NPHP4: variants seen among roughly 807,000 people sequenced by gnomAD.
NPHP4 encodes the protein nephrocystin-4.
In NPHP4, 151 loss-of-function variants were observed where a neutral mutation model predicts 155.8. The ratio of observed to expected loss-of-function variants is 0.97; its 90% CI spans 0.85 to 1.11. The LOEUF (loss-of-function observed/expected upper bound fraction) is 1.11. NPHP4 is among the 50% of genes least tolerant of loss of function. The pLI is 0.00. For synonymous variants in NPHP4, 845 were observed against 816.8 expected (o/e 1.03, Z -0.59); for missense variants, 1,956 against 1,925.7 (o/e 1.02, Z -0.29).
intron 9 of NPHP4, among the ~76,000 whole-genome samples, chr1:5,945,912 A>G (rs1647067726): frequency 6.6e-6 from 1 of 150,676 alleles, no homozygotes; most frequent in Non-Finnish European, 1.5e-5. Flanking sequence ...GTCCCCCCCC[A>G]GGGCGTGAAT....
At position 5,899,041 on chromosome 1, in the gene NPHP4, G is replaced by A. The variant is rs1644538202; in HGVS notation, c.2143+5576C>T. On this transcript the variant is annotated intron_variant, in intron 16 of 29. Transcript: ENST00000378156. ...AAAACCAGCGATCACCACGTGACTG[G>A]CGAGGACATGGCGCTGTCTGGGCTG... Among the ~76,000 whole-genome samples, 3 of 152,314 alleles carry A rather than the reference G, an allele frequency of 2.0e-5. No individual in the cohort carries two copies. In the East Asian group the frequency reaches 5.8e-4, roughly 29 times the overall value.
chr1:5,920,955 A>G (rs1458301521), intron 11 of NPHP4, among the ~76,000 whole-genome samples: 1 of 152,322 alleles, frequency 6.6e-6, no homozygotes, highest in East Asian at 1.9e-4. Flanking sequence ...ATATTCTCCA[A>G]TGTCTTTTTC....
chr1:5,978,563 A>G (rs1654112852), intron 2 of NPHP4, 150 bp from the exon 3 acceptor site: 2 of 729,342 alleles, frequency 2.7e-6, no homozygotes, highest in Non-Finnish European at 4.5e-6. Context: ...TCCCACAGCT[A>G]CTGGTCTTGG....
At chr1:5,977,312 A>C (rs540670294) in intron 3 of NPHP4, among the ~76,000 whole-genome samples, 2 of 151,718 alleles carry the variant, frequency 1.3e-5, no homozygotes, top group African/African-American at 4.8e-5. Context: ...TCGTCCTAAC[A>C]CCCCTGGGTC....
chr1:5,984,962 G>C (rs812051), intron 2 of NPHP4, among the ~76,000 whole-genome samples: 1 of 151,996 alleles, frequency 6.6e-6, no homozygotes, highest in East Asian at 1.9e-4. Context: ...TCTATAAAAC[G>C]GGAGTAAGGT....
intron 7 of NPHP4, among the ~76,000 whole-genome samples, chr1:5,949,765 C>T (rs1230963672): frequency 6.6e-6 from 1 of 152,034 alleles, no homozygotes; most frequent in African/African-American, 2.4e-5. Flanking sequence ...AGCATGAGTC[C>T]GAGGCCACCT....
intron 10 of NPHP4, among the ~76,000 whole-genome samples, chr1:5,930,873 C>T (rs986069500): frequency 1.3e-5 from 2 of 152,166 alleles, no homozygotes; most frequent in African/African-American, 4.8e-5. Context: ...ATGCTGAAGT[C>T]TCCAACTCTA....
intron 3 of NPHP4, among the ~76,000 whole-genome samples, chr1:5,972,112 A>G (rs6694797): frequency 0.84 from 127,730 of 152,308 alleles, 53,819 homozygotes; most frequent in African/African-American, 0.94. Context: ...GCACGGCCAC[A>G]TGACCTGGCA....
rs1646977508 is a variant in NPHP4 at position 5,944,397 on chromosome 1, TG to T, written c.1119+2706del. 2.0e-5 allele frequency among the ~76,000 whole-genome samples: 3 copies of T among 152,202 alleles called. No individual in the cohort carries two copies. The highest frequency in any genetic ancestry group is 4.4e-5 in the Non-Finnish European group (3 of 68,016). ...GGGAGGGCCCTGCCACAGCCCGCCC[TG>T]GGCCTTCCAAGGAGCGCGCTGGGCT... On this transcript the variant is annotated intron_variant, in intron 9 of 29. Transcript: ENST00000378156. This position sits in a 1 kb window ranked among gnomAD's most constrained non-coding sequence, Gnocchi z 4.3.
In NPHP4 at chr1:5,877,151, C is replaced by T; in HGVS notation, c.2759G>A (p.Arg920Lys). The change falls in exon 20 of 30, where the codon AGG becomes AAG. Residue 920 changes from arginine to lysine, a missense_variant. Coordinates refer to ENST00000378156, the MANE Select transcript of NPHP4 (RefSeq NM_015102.5). ...CCCGGCCTCCTGCAGGCGCACAGAC[C>T]TCATCCGCTCCAGCTTACGCCTGCG... The part of the protein sequence containing the change: ...ATRRRKLERM[R>K]SVRLQEAGGD... The T allele has an allele frequency of 1.9e-6, 3 of 1,603,602 alleles. No homozygotes were observed. Among genetic ancestry groups the T allele is most frequent in the South Asian group, 1.1e-5 (1 of 90,000 alleles).
chr1:5,918,784 T>C (rs1645594713), intron 11 of NPHP4, among the ~76,000 whole-genome samples: 1 of 152,202 alleles, frequency 6.6e-6, no homozygotes, highest in African/African-American at 2.4e-5. Flanking sequence ...ATCCCAAAAG[T>C]TAACACAAGA....
chr1:5,965,531 T>A (rs893437514), intron 5 of NPHP4, among the ~76,000 whole-genome samples: 3 of 152,194 alleles, frequency 2.0e-5, no homozygotes, highest in African/African-American at 4.8e-5. Context: ...CGAAATGAAG[T>A]TCCTGACTGG....
At chr1:5,951,026 T>C (rs974011798) in intron 7 of NPHP4, among the ~76,000 whole-genome samples, 1 of 152,136 alleles carries the variant, frequency 6.6e-6, no homozygotes, top group African/African-American at 2.4e-5. Context: ...AAGAAAAAAG[T>C]ACGACTTCAT....
rs776102193 is a variant in NPHP4, at chr1:5,986,194, C to A, written c.96G>T (p.Gln32His). ...GTCCGTCCAGCCACTTGAGGACACACTGGAATGCCGTGGATTCCTTCCAAG... is the reference window on the plus strand; with the variant it reads ...GTCCGTCCAGCCACTTGAGGACACAATGGAATGCCGTGGATTCCTTCCAAG... ...RQPWKESTAF[Q>H]CVLKWLDGPV... The change falls in exon 2 of 30, where the codon CAG (glutamine) becomes CAT (histidine). Residue 32 changes from glutamine to histidine, a missense_variant. By Grantham distance (24) the Gln-to-His change is conservative. Coordinates refer to ENST00000378156, the MANE Select transcript of NPHP4 (RefSeq NM_015102.5). The A allele has an allele frequency of 1.2e-6, 2 of 1,613,960 alleles. No homozygotes were observed. Among genetic ancestry groups the A allele is most frequent in the Admixed American group, 1.7e-5 (1 of 60,014 alleles).
At chr1:5,888,008 C>T (rs781412652) in intron 17 of NPHP4, among the ~76,000 whole-genome samples, 1 of 152,178 alleles carries the variant, frequency 6.6e-6, no homozygotes, top group Non-Finnish European at 1.5e-5. Context: ...ATGCCTCCCC[C>T]GTTTCCCTGG....
chr1:5,926,564 A>G (rs565685863), intron 11 of NPHP4, among the ~76,000 whole-genome samples: 1 of 152,310 alleles, frequency 6.6e-6, no homozygotes, highest in Non-Finnish European at 1.5e-5. Flanking sequence ...GCACTGTATT[A>G]GGTATCTCAG....
chr1:5,869,241 A>ACGCACCCACATG (rs141944429), intron 23 of NPHP4, among the ~76,000 whole-genome samples: 18,885 of 108,004 alleles, frequency 0.17, 1,437 homozygotes, highest in Non-Finnish European at 0.24. Context: ...ATGCACACAC[A>ACGCACCCACATG]CACACACACA....
intron 7 of NPHP4, 66 bp from the exon 8 acceptor site, chr1:5,948,317 T>G: frequency 1.6e-6 from 2 of 1,261,366 alleles, no homozygotes; most frequent in South Asian, 1.5e-5. Context: ...CAGAAGTCCC[T>G]GGGGGAGGCG....
Position 5,864,686 on chromosome 1 carries a change from T to C in NPHP4, c.3817-169A>G, listed in dbSNP as rs1287635. ...CCCTGACATGACTGTGGCCGCGACTTGGGTCCACACCAGGCAAGTCCCTCC... is the reference window on the plus strand; with the variant it reads ...CCCTGACATGACTGTGGCCGCGACTCGGGTCCACACCAGGCAAGTCCCTCC... On this transcript the variant is annotated intron_variant, in intron 27 of 29. Coordinates refer to ENST00000378156, the MANE Select transcript of NPHP4 (RefSeq NM_015102.5). 0.39 allele frequency: 225,366 copies of C among 576,020 alleles called. 45,686 individuals are homozygous for C. The highest frequency in any genetic ancestry group is 0.43 in the South Asian group (15,323 of 35,972). 35.7% of individuals were successfully genotyped at this position (576,020 alleles called of 1,614,324 possible). A position where few individuals can be genotyped will look rare whatever the true frequency, so the allele number is the denominator to read the frequency against.
Sources: gnomAD v4.1 joint callset for allele counts (sites outside exome capture counted in the v4.1 genomes callset) on GRCh38, gnomAD v4.1.1 for gene constraint, Gnocchi (gnomAD v3.1) non-coding constraint, MANE v1.5 for transcripts, NCBI Gene and HGNC (gene_info 2026-07-23, HGNC 2026-07-21) for gene names.